Variants in C1QL1 observed in about 807,000 individuals in gnomAD.
The protein encoded by C1QL1 is complement C1q like 1, also known as C1q-related factor.
C1QL1 carries 15 observed loss-of-function variants against 14.2 expected under a neutral mutation model. The ratio of observed to expected loss-of-function variants is 1.06; its 90% CI spans 0.71 to 1.62. The LOEUF (loss-of-function observed/expected upper bound fraction) is 1.62. C1QL1 is among the 40% of genes most tolerant of loss of function. The probability of loss-of-function intolerance (pLI) is 0.00; values close to 1 mark genes in which losing one functional copy is unlikely to be tolerated. For missense variants in C1QL1, 346 were observed against 380.3 expected, an observed-to-expected ratio of 0.91 and a Z score of 0.75; for synonymous variants, 172 against 172.4, an observed-to-expected ratio of 1.00 and a Z score of 0.02.
At chr17:44,966,610 C>G (rs1461612608) in intron 1 of C1QL1, among the ~76,000 whole-genome samples, 1 of 152,152 alleles carries the variant, frequency 6.6e-6, no homozygotes, top group African/African-American at 2.4e-5. Context: ...ATGCGAGTCC[C>G]GGTACCAGAG....
At position 44,967,164 on chromosome 17, in the gene C1QL1, T is replaced by A. The variant is rs1169416561; in HGVS notation, c.597+288A>T. ...GCCCCCAAGGGCAAGTCCGTGCACCTGGGAGCCCTGCGCTCTGACTAGTTG... is the reference window on the plus strand; with the variant it reads ...GCCCCCAAGGGCAAGTCCGTGCACCAGGGAGCCCTGCGCTCTGACTAGTTG... On this transcript the variant is annotated intron_variant, in intron 1 of 1. Coordinates refer to ENST00000253407, the MANE Select transcript of C1QL1 (RefSeq NM_006688.5). This position sits in a 1 kb window ranked among gnomAD's most constrained non-coding sequence, Gnocchi z 7.0. 6.6e-6 allele frequency among the ~76,000 whole-genome samples: 1 copy of A among 152,238 alleles called. No homozygotes were observed. Among genetic ancestry groups the A allele is most frequent in the Non-Finnish European group, 1.5e-5 (1 of 68,028 alleles).
Position 44,967,396 on chromosome 17 carries a change from C to T in C1QL1, c.597+56G>A. 1.3e-6 allele frequency: 2 copies of T among 1,560,280 alleles called. No homozygotes were observed. Among genetic ancestry groups the T allele is most frequent in the East Asian group, 2.3e-5 (1 of 43,780 alleles). On this transcript the variant is annotated intron_variant, in intron 1 of 1. Coordinates refer to ENST00000253407, the MANE Select transcript of C1QL1 (RefSeq NM_006688.5). The surrounding 1 kb of genome is among the most constrained non-coding windows in gnomAD (Gnocchi z 7.0). Reference sequence around the variant, plus strand: ...AACTCCGATCAGGTACCCATTTGCCCCGGGCTCCCTGGGTGCCCTGGGCCC... The same window carrying T: ...AACTCCGATCAGGTACCCATTTGCCTCGGGCTCCCTGGGTGCCCTGGGCCC...
rs958156434 is a variant in C1QL1, at chr17:44,967,006, C to G, written c.597+446G>C. Among the ~76,000 whole-genome samples the G allele has an allele frequency of 6.6e-6, 1 of 152,212 alleles. No individual in the cohort carries two copies. The highest frequency in any genetic ancestry group is 1.5e-5 in the Non-Finnish European group (1 of 68,038). On this transcript the variant is annotated intron_variant, in intron 1 of 1. Transcript: ENST00000253407. This position sits in a 1 kb window ranked among gnomAD's most constrained non-coding sequence, Gnocchi z 7.0. ...TTTCCTGCAGCCAGCCTTCTCCGCT[C>G]GCGCCCATGGCCACGCGCCTAGGCG...
Position 44,960,314 on chromosome 17 carries a change from G to A in C1QL1, c.651C>T (p.Ser217=), listed in dbSNP as rs373674207. 149 of 1,614,056 alleles carry A rather than the reference G, an allele frequency of 9.2e-5. No individual in the cohort carries two copies. Among genetic ancestry groups the A allele is most frequent in the Non-Finnish European group, 1.2e-4 (143 of 1,180,038 alleles). Residue 217 remains serine (S), a synonymous_variant, in exon 2 of 2, where the codon AGC becomes AGT. Transcript: ENST00000253407. ...CGTCCAGGTGCAGGATCACGCTGTT[G>A]CTGGCGTAGTCGTAGTTCTGGTCCG... ...QDADQNYDYA[S]NSVILHLDAG... is the part of the protein sequence containing the mutation.
rs955251467 is a variant in C1QL1 at position 44,960,086 on chromosome 17, G to A, written c.*102C>T. On this transcript the variant is annotated 3_prime_UTR_variant, in exon 2 of 2. Coordinates refer to ENST00000253407, the MANE Select transcript of C1QL1 (RefSeq NM_006688.5). The stretch of plus-strand genomic sequence containing the variant: ...GGCCGGGGGCGTCATAGCCGGGGAG[G>A]GCCGGGCAGCGAGCGGGTGGGCGAG... 6.0e-5 allele frequency: 64 copies of A among 1,068,652 alleles called. No individual in the cohort carries two copies. The highest frequency in any genetic ancestry group is 1.1e-5 in the Non-Finnish European group (8 of 703,298). The allele number at this position is 1,068,652 out of a possible 1,614,324, so 66.2% of individuals were successfully genotyped here.
chr17:44,964,828 T>G (rs1302039341), intron 1 of C1QL1, among the ~76,000 whole-genome samples: 2 of 98,736 alleles, frequency 2.0e-5, no homozygotes, highest in Non-Finnish European at 4.0e-5. Flanking sequence ...TCTTTTCGTT[T>G]TTATCTTTTC....
intron 1 of C1QL1, among the ~76,000 whole-genome samples, chr17:44,966,971 G>A (rs2052660461): frequency 6.6e-6 from 1 of 152,174 alleles, no homozygotes; most frequent in African/African-American, 2.4e-5. Flanking sequence ...TTGCCTTTGT[G>A]CCCCAAACAT....
intron 1 of C1QL1, among the ~76,000 whole-genome samples, chr17:44,966,006 T>C (rs1322936208): frequency 1.3e-5 from 2 of 152,112 alleles, no homozygotes; most frequent in East Asian, 1.9e-4. Flanking sequence ...GGATGTCTGA[T>C]AGACACACGT....
intron 1 of C1QL1, 32 bp from the exon 2 acceptor site, chr17:44,960,399 G>A (rs769175081): frequency 1.3e-6 from 2 of 1,530,332 alleles, no homozygotes; most frequent in South Asian, 2.2e-5. Flanking sequence ...GGGAGGGCGA[G>A]AGGAGAGAGA....
rs969126050 is a variant in C1QL1 at position 44,967,928 on chromosome 17, C to A, written c.121G>T (p.Gly41Cys). Residue 41 changes from glycine (G) to cysteine (C), a missense_variant, in exon 1 of 2, where the codon GGC becomes TGC. By Grantham distance (159) the Gly-to-Cys change is radical. Transcript: ENST00000253407. This position sits in a 1 kb window ranked among gnomAD's most constrained non-coding sequence, Gnocchi z 7.0. ...VCDPYPARGPGAGARTDGGDA... is the reference protein window; with the variant it reads ...VCDPYPARGPCAGARTDGGDA... ...CCGCCGTCGGTCCGCGCGCCGGCGCCGGGGCCCCGCGCGGGGTAGGGGTCG... is the reference window on the plus strand; with the variant it reads ...CCGCCGTCGGTCCGCGCGCCGGCGCAGGGGCCCCGCGCGGGGTAGGGGTCG... 11 of 1,274,108 alleles carry A rather than the reference C, an allele frequency of 8.6e-6. No individual in the cohort carries two copies. The highest frequency in any genetic ancestry group is 1.5e-5 in the African/African-American group (1 of 64,542). The allele number at this position is 1,274,108 out of a possible 1,614,324, so 78.9% of individuals were successfully genotyped here.
rs142346313 is a variant in C1QL1, at chr17:44,967,705, C to A, written c.344G>T (p.Gly115Val). 6.9e-5 allele frequency: 111 copies of A among 1,610,358 alleles called. No homozygotes were observed. The African/African-American group carries it at 1.1e-3, about 16-fold the overall frequency. The change falls in exon 1 of 2, where the codon GGC becomes GTC. Residue 115 changes from glycine to valine, a missense_variant. Gly to Val is a moderately radical substitution (Grantham distance 109). Coordinates refer to ENST00000253407, the MANE Select transcript of C1QL1 (RefSeq NM_006688.5). The surrounding 1 kb of genome is among the most constrained non-coding windows in gnomAD (Gnocchi z 7.0). The part of the protein sequence containing the change: ...PGPPGLPGAG[G>V]SGAISTATYT... ...GGTGGCAGTGCTGATGGCGCCGCTG[C>A]CCCCCGCGCCCGGCAGCCCCGGAGG...
intron 1 of C1QL1, among the ~76,000 whole-genome samples, chr17:44,964,584 C>T (rs946762849): frequency 2.0e-5 from 3 of 152,174 alleles, no homozygotes; most frequent in East Asian, 1.9e-4. Context: ...ACACAGTATT[C>T]GCTGGGGCGT....
Position 44,967,899 on chromosome 17 carries a change from G to A in C1QL1, c.150C>T (p.Asp50=). 8.0e-7 allele frequency: 1 copy of A among 1,244,662 alleles called. No individual in the cohort carries two copies. The highest frequency in any genetic ancestry group is 1.0e-6 in the Non-Finnish European group (1 of 999,786). 77.1% of individuals were successfully genotyped at this position (1,244,662 alleles called of 1,614,324 possible). The change falls in exon 1 of 2, where the codon GAC becomes GAT. Residue 50 remains aspartate, a synonymous_variant. Transcript: ENST00000253407. The surrounding 1 kb of genome is among the most constrained non-coding windows in gnomAD (Gnocchi z 7.0). ...PGAGARTDGG[D]ALSEQSGAPP... ...GCGCGCCGCTCTGCTCGCTCAGGGC[G>A]TCGCCGCCGTCGGTCCGCGCGCCGG...
At chr17:44,965,910 C>T (rs766301659) in intron 1 of C1QL1, among the ~76,000 whole-genome samples, 2 of 152,216 alleles carry the variant, frequency 1.3e-5, no homozygotes, top group African/African-American at 2.4e-5. Flanking sequence ...TAGGGGGAAT[C>T]ATGGGGCTGT....
chr17:44,960,019 C>G lies in C1QL1; in HGVS notation c.*169G>C, dbSNP rs1005172476. ...CGCTGGGCCCGGCTCTGCAGCGAGC[C>G]GGTGGGAGGGCCTAGCTGTGGCCCA... On this transcript the variant is annotated 3_prime_UTR_variant, in exon 2 of 2. Transcript: ENST00000253407. 1 of 640,020 alleles carries G rather than the reference C, an allele frequency of 1.6e-6. No homozygotes were observed. The highest frequency in any genetic ancestry group is 2.7e-6 in the Non-Finnish European group (1 of 363,942). 39.6% of individuals were successfully genotyped at this position (640,020 alleles called of 1,614,324 possible).
intron 1 of C1QL1, among the ~76,000 whole-genome samples, chr17:44,963,468 G>T (rs1323983694): frequency 1.3e-5 from 2 of 152,064 alleles, no homozygotes; most frequent in Non-Finnish European, 2.9e-5. Flanking sequence ...TGTCACCCAG[G>T]ATGGAGTGCA....
rs915193204 is a variant in C1QL1, at chr17:44,967,976, G to T, written c.73C>A (p.Leu25Met). 2 of 1,369,498 alleles carry T rather than the reference G, an allele frequency of 1.5e-6. No homozygotes were observed. Among genetic ancestry groups the T allele is most frequent in the Non-Finnish European group, 9.4e-7 (1 of 1,059,818 alleles). 84.8% of individuals were successfully genotyped at this position (1,369,498 alleles called of 1,614,324 possible). The change falls in exon 1 of 2, where the codon CTG (leucine) becomes ATG (methionine). Residue 25 changes from leucine to methionine, a missense_variant. Coordinates refer to ENST00000253407, the MANE Select transcript of C1QL1 (RefSeq NM_006688.5). The surrounding 1 kb of genome is among the most constrained non-coding windows in gnomAD (Gnocchi z 7.0). ...TCGCACACCATGCGGCAGGTGCCCA[G>T]CATCTCATAGTGGCCTTCCGGGCCG... ...SGGPEGHYEM[L>M]GTCRMVCDPY... is the part of the protein sequence containing the mutation.
chr17:44,965,526 C>T (rs1310387393), intron 1 of C1QL1, among the ~76,000 whole-genome samples: 3 of 152,308 alleles, frequency 2.0e-5, no homozygotes, highest in Admixed American at 2.0e-4. Flanking sequence ...GTTAAAGCCA[C>T]CTCCTTTTTT....
chr17:44,960,514 G>A (rs2052621993), intron 1 of C1QL1, 147 bp from the exon 2 acceptor site: 2 of 624,446 alleles, frequency 3.2e-6, no homozygotes, highest in East Asian at 2.7e-5. Context: ...CCCCTCCCCC[G>A]CCCCCTTCCA....
Sources: gnomAD v4.1 joint callset for allele counts (sites outside exome capture counted in the v4.1 genomes callset) on GRCh38, gnomAD v4.1.1 for gene constraint, Gnocchi (gnomAD v3.1) non-coding constraint, MANE v1.5 for transcripts, NCBI Gene and HGNC (gene_info 2026-07-23, HGNC 2026-07-21) for gene names.